The following ROCK2 variants were observed in gnomAD, a reference collection of about 807,000 sequenced individuals.
The protein encoded by ROCK2 is Rho associated coiled-coil containing protein kinase 2.
A neutral mutation model predicts 195.1 loss-of-function variants in ROCK2; 61 were observed. The ratio of observed to expected loss-of-function variants is 0.31; its 90% CI spans 0.25 to 0.39. ROCK2 has a LOEUF of 0.39. Ranked by LOEUF, ROCK2 falls within the 10% of genes least tolerant of loss-of-function variation. The pLI, the probability that ROCK2 is intolerant of heterozygous loss-of-function variation, is 1.00. For missense variants in ROCK2, 1,109 were observed against 1,637.4 expected (o/e 0.68, Z 5.57); for synonymous variants, 504 against 545.5 (o/e 0.92, Z 1.06).
chr2:11,255,830 G>A (rs1333634106), intron 3 of ROCK2, among the ~76,000 whole-genome samples: 1 of 145,884 alleles, frequency 6.9e-6, no homozygotes, highest in Admixed American at 6.9e-5. Context: ...TGAGGCAGGG[G>A]AATTGCTTAA....
chr2:11,320,072 T>C (rs921633221), intron 1 of ROCK2, among the ~76,000 whole-genome samples: 1 of 152,118 alleles, frequency 6.6e-6, no homozygotes, highest in Non-Finnish European at 1.5e-5. Flanking sequence ...CAACACCAGC[T>C]GTTAAAAGGC....
At chr2:11,283,543 G>C (rs1489124599) in intron 3 of ROCK2, among the ~76,000 whole-genome samples, 27 of 136,254 alleles carry the variant, frequency 2.0e-4, no homozygotes, top group Non-Finnish European at 3.9e-4. Context: ...AGTCCGGCCT[G>C]GGCGACAGAG....
chr2:11,252,545 C>G (rs1467690546), intron 3 of ROCK2, among the ~76,000 whole-genome samples: 1 of 152,150 alleles, frequency 6.6e-6, no homozygotes. Context: ...AGACTTGGAA[C>G]CAACACAAAT....
At chr2:11,252,776 G>A (rs555213491) in intron 3 of ROCK2, among the ~76,000 whole-genome samples, 59 of 152,118 alleles carry the variant, frequency 3.9e-4, no homozygotes, top group Non-Finnish European at 5.6e-4. Flanking sequence ...ACAGGGAGTG[G>A]AACATCACAC....
At chr2:11,320,379 G>A (rs1457133451) in intron 1 of ROCK2, among the ~76,000 whole-genome samples, 1 of 152,090 alleles carries the variant, frequency 6.6e-6, no homozygotes, top group Non-Finnish European at 1.5e-5. Flanking sequence ...CAATAGCACT[G>A]TCTCGTGGTG....
Position 11,317,602 on chromosome 2 carries a change from A to T in ROCK2, c.141+26394T>A, listed in dbSNP as rs1235788399. ...TATATATATATATATATATATATATATATATATATATTTTTTTTTTTTTTT... is the reference window on the plus strand; with the variant it reads ...TATATATATATATATATATATATATTTATATATATATTTTTTTTTTTTTTT... On this transcript the variant is annotated intron_variant, in intron 1 of 32. Transcript: ENST00000315872. Among the ~76,000 whole-genome samples, 105 of 16,484 alleles carry T rather than the reference A, an allele frequency of 6.4e-3. 3 individuals carry two copies. The East Asian group carries it at 0.082, about 13-fold the overall frequency. The allele number at this position is 16,484 out of a possible 152,430, so 10.8% of individuals were successfully genotyped here. A position where few individuals can be genotyped will look rare whatever the true frequency, so the allele number is the denominator to read the frequency against.
intron 1 of ROCK2, among the ~76,000 whole-genome samples, chr2:11,298,065 T>C (rs969401954): frequency 2.6e-5 from 4 of 152,170 alleles, no homozygotes; most frequent in African/African-American, 9.7e-5. Context: ...ATTGTAAAAA[T>C]TTATCAAGCT....
At position 11,235,665 on chromosome 2, in the gene ROCK2, T is replaced by C. The variant is rs1572282766; in HGVS notation, c.723+37A>G. 1 of 1,567,052 alleles carries C rather than the reference T, an allele frequency of 6.4e-7. No homozygotes were observed. Among genetic ancestry groups the C allele is most frequent in the East Asian group, 2.2e-5 (1 of 44,524 alleles). ...AAAGTATTTCATTTATTTCTGTCCC[T>C]CAAAACACTATCGTTTTAAATAATT... On this transcript the variant is annotated intron_variant, in intron 5 of 32. Coordinates refer to ENST00000315872, the MANE Select transcript of ROCK2 (RefSeq NM_004850.5). This position sits in a 1 kb window ranked among gnomAD's most constrained non-coding sequence, Gnocchi z 4.2.
At chr2:11,283,582 A>AAAAAGAAAG (rs777307547) in intron 3 of ROCK2, among the ~76,000 whole-genome samples, 1 of 15,164 alleles carries the variant, frequency 6.6e-5, no homozygotes, top group African/African-American at 1.0e-4. Flanking sequence ...AAAAAAAAAA[A>AAAAAGAAAG]AAAGCAAGAA....
chr2:11,326,975 C>T (rs536031311), intron 1 of ROCK2, among the ~76,000 whole-genome samples: 3 of 152,240 alleles, frequency 2.0e-5, no homozygotes, highest in South Asian at 2.1e-4. Flanking sequence ...ATTAAAATAG[C>T]CCCTATGGAG....
chr2:11,316,936 C>T (rs542981598), intron 1 of ROCK2, among the ~76,000 whole-genome samples: 3 of 152,146 alleles, frequency 2.0e-5, no homozygotes, highest in African/African-American at 2.4e-5. Flanking sequence ...TAAGTGTGGT[C>T]GTTTAAAGCT....
intron 3 of ROCK2, among the ~76,000 whole-genome samples, chr2:11,265,087 A>C (rs999404061): frequency 3.3e-5 from 5 of 151,890 alleles, no homozygotes; most frequent in Admixed American, 6.6e-5. Context: ...AATAGTAATA[A>C]TACTTACCTG....
At chr2:11,246,716 G>T (rs1340282888) in intron 4 of ROCK2, among the ~76,000 whole-genome samples, 1 of 152,054 alleles carries the variant, frequency 6.6e-6, no homozygotes, top group African/African-American at 2.4e-5. Context: ...TCTAACAAAA[G>T]TATAGTAACT....
In ROCK2 at chr2:11,211,688, G is replaced by T; in HGVS notation, c.2196C>A (p.Ala732=). The change falls in exon 18 of 33, where the codon GCC becomes GCA. Residue 732 remains alanine (A), a synonymous_variant. Coordinates refer to ENST00000315872, the MANE Select transcript of ROCK2 (RefSeq NM_004850.5). ...TCTTTAAAAAATGCATACCTTTCAT[G>T]GCTTCTGATTTGGCTTCTTCGATGG... The part of the protein sequence containing the change: ...YESIEEAKSE[A]MKEMEKKLLE... The T allele has an allele frequency of 1.2e-6, 2 of 1,601,092 alleles. No individual in the cohort carries two copies. The highest frequency in any genetic ancestry group is 2.2e-5 in the East Asian group (1 of 44,748).
Position 11,192,631 on chromosome 2 carries a change from A to C in ROCK2, c.3769T>G (p.Cys1257Gly), listed in dbSNP as rs552881592. 1 of 1,613,998 alleles carries C rather than the reference A, an allele frequency of 6.2e-7. No homozygotes were observed. The highest frequency in any genetic ancestry group is 1.1e-5 in the South Asian group (1 of 91,068). The stretch of plus-strand genomic sequence containing the variant: ...GGAATAAACTCATGTCCCTTGTGGC[A>C]AATATAATTAGATTTTTCTCCAACT... ...EPVGEKSNYI[C>G]HKGHEFIPTL... Residue 1257 changes from cysteine to glycine, a missense_variant, in exon 31 of 33, where the codon TGC becomes GGC. Physicochemically the swap from Cys to Gly is radical, Grantham distance 159 (BLOSUM62 -3). Transcript: ENST00000315872. This position sits in a 1 kb window ranked among gnomAD's most constrained non-coding sequence, Gnocchi z 5.0.
Position 11,270,020 on chromosome 2 carries a change from C to T in ROCK2, c.324+16519G>A, listed in dbSNP as rs1666570079. ...CCTTCCACCTTGGCCTCCCAAAGTG[C>T]CAGGATTACACGTATGAGCTACTGC... is the stretch of plus-strand genomic sequence containing the variant. On this transcript the variant is annotated intron_variant, in intron 3 of 32. Transcript: ENST00000315872. Among the ~76,000 whole-genome samples, 9 of 152,166 alleles carry T rather than the reference C, an allele frequency of 5.9e-5. No homozygotes were observed. In the South Asian group the frequency reaches 1.9e-3, roughly 32 times the overall value.
At chr2:11,321,876 C>T (rs937706236) in intron 1 of ROCK2, among the ~76,000 whole-genome samples, 3 of 152,196 alleles carry the variant, frequency 2.0e-5, no homozygotes, top group East Asian at 3.9e-4. Context: ...CCAAAATTCA[C>T]GAGTTGAAGT....
chr2:11,268,478 G>T lies in ROCK2; in HGVS notation c.324+18061C>A, dbSNP rs1055424359. On this transcript the variant is annotated intron_variant, in intron 3 of 32. Coordinates refer to ENST00000315872, the MANE Select transcript of ROCK2 (RefSeq NM_004850.5). ...TGTAACAGTTTTACTGTGTGTGTGT[G>T]TTTTTTTCCTTGTGTGTGTGTGTGT... Among the ~76,000 whole-genome samples the T allele has an allele frequency of 1.0e-3, 144 of 140,416 alleles. 2 individuals carry two copies. Among genetic ancestry groups the T allele is most frequent in the Admixed American group, 8.5e-4 (12 of 14,172 alleles). The allele number at this position is 140,416 out of a possible 152,430, so 92.1% of individuals were successfully genotyped here. A position where few individuals can be genotyped will look rare whatever the true frequency, so the allele number is the denominator to read the frequency against.
intron 9 of ROCK2, among the ~76,000 whole-genome samples, chr2:11,220,184 A>AT (rs1365760908): frequency 6.6e-6 from 1 of 151,988 alleles, no homozygotes; most frequent in East Asian, 1.9e-4. Flanking sequence ...TGCCCAGCTA[A>AT]TTTTGTATTT....
Sources: gnomAD v4.1 joint callset for allele counts (sites outside exome capture counted in the v4.1 genomes callset) on GRCh38, gnomAD v4.1.1 for gene constraint, Gnocchi (gnomAD v3.1) non-coding constraint, MANE v1.5 for transcripts, NCBI Gene and HGNC (gene_info 2026-07-23, HGNC 2026-07-21) for gene names.